OTOG: variants seen among roughly 807,000 people sequenced by gnomAD.
The protein encoded by OTOG is otogelin.
Under a neutral mutation model 313.8 loss-of-function variants are expected in OTOG, and 296 were observed. The ratio of observed to expected loss-of-function variants is 0.94; its 90% confidence interval spans 0.86 to 1.04. The LOEUF (loss-of-function observed/expected upper bound fraction) is 1.04. Among genes scored for constraint, OTOG ranks in the 50% least tolerant of loss-of-function variants. The probability of loss-of-function intolerance (pLI) is 0.00; values close to 1 mark genes in which losing one functional copy is unlikely to be tolerated. For synonymous variants in OTOG, 1,533 were observed against 1,554.9 expected (o/e 0.99, Z 0.33); for missense variants, 3,948 against 3,840.1 (o/e 1.03, Z -0.74).
At chr11:17,554,594 A>G (rs934129065) in intron 6 of OTOG, among the ~76,000 whole-genome samples, 1 of 152,230 alleles carries the variant, frequency 6.6e-6, no homozygotes. Flanking sequence ...GGGAGACCCC[A>G]GTGTTCAGTG....
Position 17,641,091 on chromosome 11 carries a change from G to T in OTOG, c.8190G>T (p.Ala2730=), listed in dbSNP as rs1236221099. 4 of 1,414,692 alleles carry T rather than the reference G, an allele frequency of 2.8e-6. No homozygotes were observed. Among genetic ancestry groups the T allele is most frequent in the Non-Finnish European group, 3.8e-6 (4 of 1,058,632 alleles). 87.6% of individuals were successfully genotyped at this position (1,414,692 alleles called of 1,614,324 possible). A position where few individuals can be genotyped will look rare whatever the true frequency, so the allele number is the denominator to read the frequency against. The stretch of plus-strand genomic sequence containing the variant: ...TGCTCTGTGACATCCACTGTGAGGC[G>T]GTAGGGTGCAGCCCAGGGCGGGGTG... ...TSVLCDIHCE[A]NQEYEHPRDL... Residue 2730 remains alanine (A), a splice_region_variant and synonymous_variant, in exon 51 of 56, where the codon GCG becomes GCT. Coordinates refer to ENST00000399397, the MANE Select transcript of OTOG (RefSeq NM_001292063.2).
At chr11:17,600,172 G>A (rs999123118) in intron 31 of OTOG, among the ~76,000 whole-genome samples, 13 of 152,210 alleles carry the variant, frequency 8.5e-5, no homozygotes, top group Non-Finnish European at 1.2e-4. Flanking sequence ...GCAGGGTTCC[G>A]GGAGATGCTC....
intron 17 of OTOG, 60 bp from the exon 18 acceptor site, chr11:17,572,020 A>C: frequency 6.5e-7 from 1 of 1,545,914 alleles, no homozygotes; most frequent in Non-Finnish European, 8.7e-7. Flanking sequence ...GATCTATGCT[A>C]TTTGTGCCCC....
intron 14 of OTOG, 115 bp from the exon 15 acceptor site, chr11:17,561,547 A>G: frequency 8.8e-7 from 1 of 1,134,802 alleles, no homozygotes; most frequent in African/African-American, 1.5e-5. Flanking sequence ...CTCATTCCTT[A>G]TACTGCTCTT....
At chr11:17,594,234 C>A (rs1048886312) in intron 28 of OTOG, 68 bp downstream of exon 28, 2 of 1,538,968 alleles carry the variant, frequency 1.3e-6, no homozygotes, top group Non-Finnish European at 8.8e-7. Context: ...CTGAACCCGG[C>A]CCAAGGTCAG....
intron 6 of OTOG, among the ~76,000 whole-genome samples, chr11:17,554,790 C>T (rs1158928567): frequency 6.6e-6 from 1 of 152,168 alleles, no homozygotes; most frequent in East Asian, 1.9e-4. Context: ...ATTACTTAGA[C>T]TAATGCATTG....
In OTOG at chr11:17,635,105, A is replaced by C. The variant is rs540270096; in HGVS notation, c.7611A>C (p.Ala2537=). 7.3e-5 allele frequency: 113 copies of C among 1,549,266 alleles called. 3 individuals are homozygous for C. The South Asian group carries it at 1.3e-3, about 18-fold the overall frequency. The change falls in exon 46 of 56, where the codon GCA becomes GCC. Residue 2537 remains alanine, a synonymous_variant. Coordinates refer to ENST00000399397, the MANE Select transcript of OTOG (RefSeq NM_001292063.2). The part of the protein sequence containing the change: ...SCECDPDLCE[A]ELVPSCRQDQ... The stretch of plus-strand genomic sequence containing the variant: ...AGTGTGACCCAGATCTCTGTGAGGC[A>C]GAGCTGGTCCCCAGCTGCCGACAGG...
chr11:17,553,158 C>T lies in OTOG; in HGVS notation c.332C>T (p.Pro111Leu). ...TTCAATGGAGGCGAGTGTGTGCACC[C>T]AGCCTTCTGTGACTGCAGACGCTTC... ...SCFNGGECVH[P>L]AFCDCRRFNA... Residue 111 changes from proline to leucine, a missense_variant, in exon 5 of 56, where the codon CCA becomes CTA. Physicochemically the swap from Pro to Leu is moderately conservative, Grantham distance 98. Coordinates refer to ENST00000399397, the MANE Select transcript of OTOG (RefSeq NM_001292063.2). 6.4e-7 allele frequency: 1 copy of T among 1,550,580 alleles called. No individual in the cohort carries two copies. Among genetic ancestry groups the T allele is most frequent in the Non-Finnish European group, 8.7e-7 (1 of 1,146,996 alleles).
intron 44 of OTOG, among the ~76,000 whole-genome samples, chr11:17,634,504 C>A (rs1484345359): frequency 6.6e-6 from 1 of 151,936 alleles, no homozygotes; most frequent in Non-Finnish European, 1.5e-5. Flanking sequence ...CACTCTTCCT[C>A]CCCCACCTGT....
rs992182485 is a variant in OTOG, at chr11:17,594,231, C to T, written c.3408+65C>T. On this transcript the variant is annotated intron_variant, in intron 28 of 55. Coordinates refer to ENST00000399397, the MANE Select transcript of OTOG (RefSeq NM_001292063.2). ...AGATGGGCGCTGCCAGCACTGAACC[C>T]GGCCCAAGGTCAGGGAAGAGGGATG... is the stretch of plus-strand genomic sequence containing the variant. The T allele has an allele frequency of 3.9e-5, 60 of 1,541,878 alleles. No homozygotes were observed. In the Admixed American group the frequency reaches 4.3e-4, roughly 11 times the overall value.
intron 18 of OTOG, among the ~76,000 whole-genome samples, chr11:17,572,856 T>G (rs556763811): frequency 6.6e-6 from 1 of 152,212 alleles, no homozygotes; most frequent in Non-Finnish European, 1.5e-5. Flanking sequence ...TTGACCAGAA[T>G]GTAAGCTCCA....
chr11:17,591,671 A>G lies in OTOG; in HGVS notation c.3006+83A>G, dbSNP rs1469464267. 3 of 1,491,288 alleles carry G rather than the reference A, an allele frequency of 2.0e-6. No individual in the cohort carries two copies. The African/African-American group carries it at 4.2e-5, about 21-fold the overall frequency. The allele number at this position is 1,491,288 out of a possible 1,614,324, so 92.4% of individuals were successfully genotyped here. A position where few individuals can be genotyped will look rare whatever the true frequency, so the allele number is the denominator to read the frequency against. ...GGTGCTCTGGACTCCAGTTTGATGC[A>G]GAATTGGGTGATCGGGGATCTAAGC... On this transcript the variant is annotated intron_variant, in intron 25 of 55. Coordinates refer to ENST00000399397, the MANE Select transcript of OTOG (RefSeq NM_001292063.2).
intron 45 of OTOG, 23 bp downstream of exon 45, chr11:17,634,971 G>A: frequency 6.6e-7 from 1 of 1,504,438 alleles, no homozygotes; most frequent in Non-Finnish European, 9.0e-7. Flanking sequence ...GGGTGGGGAG[G>A]GTGGGGGACG....
chr11:17,549,619 C>T (rs1343724180), intron 3 of OTOG, among the ~76,000 whole-genome samples: 1 of 152,216 alleles, frequency 6.6e-6, no homozygotes, highest in African/African-American at 2.4e-5. Flanking sequence ...CAGAGCCAGG[C>T]CGTGCATACA....
intron 26 of OTOG, 87 bp from the exon 27 acceptor site, chr11:17,593,523 G>A: frequency 1.3e-6 from 2 of 1,500,940 alleles, no homozygotes; most frequent in South Asian, 2.5e-5. Flanking sequence ...GGAGGCAGAG[G>A]CATTGGTGAG....
chr11:17,645,479 C>T, intron 54 of OTOG, 85 bp from the exon 55 acceptor site: 1 of 1,272,010 alleles, frequency 7.9e-7, no homozygotes, highest in Non-Finnish European at 1.1e-6. Flanking sequence ...TCCAGCATGA[C>T]ACTAACTGCC....
chr11:17,547,278 C>CGGCT lies in OTOG; in HGVS notation c.-93_-90dup, dbSNP rs1250561128. On this transcript the variant is annotated 5_prime_UTR_variant, in exon 1 of 56. The change creates a premature stop within an existing upstream ORF in the 5' untranslated region. Coordinates refer to ENST00000399397, the MANE Select transcript of OTOG (RefSeq NM_001292063.2). Reference sequence around the variant, plus strand: ...TGGGGCATGAGAACAAGAGGGACCTCGGCTGCGGAGTGGAGGTGTGACCCT... The same window carrying CGGCT: ...TGGGGCATGAGAACAAGAGGGACCTCGGCTGGCTGCGGAGTGGAGGTGTGACCCT... The CGGCT allele has an allele frequency of 1.9e-6, 2 of 1,065,706 alleles. No individual in the cohort carries two copies. The highest frequency in any genetic ancestry group is 6.8e-5 in the South Asian group (2 of 29,294). The allele number at this position is 1,065,706 out of a possible 1,614,324, so 66.0% of individuals were successfully genotyped here.
intron 28 of OTOG, among the ~76,000 whole-genome samples, chr11:17,594,884 T>C (rs985465597): frequency 2.0e-5 from 3 of 152,168 alleles, no homozygotes; most frequent in Non-Finnish European, 4.4e-5. Flanking sequence ...ACAACTCTGA[T>C]TGGTCAAAAC....
At chr11:17,564,618 A>C (rs1852260746) in intron 15 of OTOG, among the ~76,000 whole-genome samples, 1 of 152,180 alleles carries the variant, frequency 6.6e-6, no homozygotes, top group Admixed American at 6.5e-5. Context: ...CTGCGACTGC[A>C]CTCCTGGGTG....
Sources: allele counts gnomAD v4.1 joint callset (sites outside exome capture counted in the v4.1 genomes callset), GRCh38; gene constraint gnomAD v4.1.1; transcripts MANE v1.5; gene names NCBI Gene and HGNC (gene_info 2026-07-23, HGNC 2026-07-21).